The following HPSE variants were observed in gnomAD, a reference collection of about 807,000 sequenced individuals.
HPSE encodes the protein endo-glucoronidase.
HPSE carries 48 observed loss-of-function variants against 65.1 expected under a neutral mutation model. That is an observed-to-expected ratio of 0.74 (90% CI 0.58 to 0.94). HPSE has a LOEUF of 0.94. Ranked by LOEUF, HPSE falls within the 40% of genes least tolerant of loss-of-function variation. The pLI is 0.00. For missense variants in HPSE, 644 were observed against 637.5 expected, an observed-to-expected ratio of 1.01 and a Z score of -0.11; for synonymous variants, 243 against 260.0, an observed-to-expected ratio of 0.93 and a Z score of 0.63.
At chr4:83,296,326 T>C (rs1276177759) in intron 11 of HPSE, among the ~76,000 whole-genome samples, 3 of 152,204 alleles carry the variant, frequency 2.0e-5, no homozygotes, top group Non-Finnish European at 4.4e-5. Context: ...TATCTCTTTT[T>C]CTCAAATATG....
At chr4:83,323,215 A>T (rs1736994852) in intron 1 of HPSE, among the ~76,000 whole-genome samples, 1 of 152,132 alleles carries the variant, frequency 6.6e-6, no homozygotes, top group Non-Finnish European at 1.5e-5. Flanking sequence ...TTTGCAGGGC[A>T]CTGAAAATAC....
At chr4:83,321,179 C>T (rs1736876579) in intron 2 of HPSE, among the ~76,000 whole-genome samples, 1 of 152,126 alleles carries the variant, frequency 6.6e-6, no homozygotes, top group African/African-American at 2.4e-5. Context: ...GCCTGGGCAA[C>T]AGAGTGGGAC....
Position 83,294,217 on chromosome 4 carries a change from CA to C in HPSE, c.*1126del, listed in dbSNP as rs1735645425. ...CCAAGTAGCTGGGACTACAGGACCACACCCAGCTAATTTTTGTATTTTTTAG... is the reference window on the plus strand; with the variant it reads ...CCAAGTAGCTGGGACTACAGGACCACCCCAGCTAATTTTTGTATTTTTTAG... On this transcript the variant is annotated 3_prime_UTR_variant, in exon 12 of 12. Transcript: ENST00000311412. The C allele has an allele frequency of 6.6e-6, 1 of 152,192 alleles. No individual in the cohort carries two copies. The highest frequency in any genetic ancestry group is 2.4e-5 in the African/African-American group (1 of 41,428). The allele number at this position is 152,192 out of a possible 1,614,324, so 9.4% of individuals were successfully genotyped here.
At chr4:83,304,539 C>T (rs990739627) in intron 9 of HPSE, among the ~76,000 whole-genome samples, 10 of 144,078 alleles carry the variant, frequency 6.9e-5, no homozygotes, top group African/African-American at 2.2e-4. Context: ...TAAAAAACTG[C>T]GGATCGGTGG....
intron 5 of HPSE, 103 bp downstream of exon 5, chr4:83,310,619 C>A: frequency 9.3e-7 from 1 of 1,078,656 alleles, no homozygotes. Context: ...TTGCAGTGAG[C>A]CATGATTGTA....
chr4:83,305,580 C>T (rs1478383851), intron 9 of HPSE, among the ~76,000 whole-genome samples: 1 of 152,176 alleles, frequency 6.6e-6, no homozygotes, highest in African/African-American at 2.4e-5. Context: ...AAATCAAGGT[C>T]ATGCTTCTCA....
chr4:83,312,404 G>A (rs963467323), intron 4 of HPSE, among the ~76,000 whole-genome samples: 7 of 152,150 alleles, frequency 4.6e-5, no homozygotes, highest in Admixed American at 1.3e-4. Flanking sequence ...TTGGCCGGGC[G>A]CAGTGGCTCA....
At chr4:83,328,916 G>A (rs553626331) in intron 1 of HPSE, among the ~76,000 whole-genome samples, 1 of 152,294 alleles carries the variant, frequency 6.6e-6, no homozygotes, top group Admixed American at 6.5e-5. Flanking sequence ...ATCAGAGAAA[G>A]GAGGAAAGCT....
chr4:83,318,728 A>T (rs956315792), intron 3 of HPSE, among the ~76,000 whole-genome samples: 2 of 149,556 alleles, frequency 1.3e-5, no homozygotes, highest in Non-Finnish European at 3.0e-5. Context: ...AAAAAAAAAA[A>T]GGGGGTTCCT....
At chr4:83,332,344 G>A (rs986785145) in intron 1 of HPSE, among the ~76,000 whole-genome samples, 2 of 152,202 alleles carry the variant, frequency 1.3e-5, no homozygotes, top group Non-Finnish European at 2.9e-5. Context: ...ATGAGGAGAG[G>A]GGGTTCCTCC....
Position 83,303,252 on chromosome 4 carries a change from A to G in HPSE, c.1207-984T>C, listed in dbSNP as rs562183275. The stretch of plus-strand genomic sequence containing the variant: ...TGCTAAATGATATCATAGGGAATAA[A>G]TTTAGCAAACTCTATAATGTAGGAA... On this transcript the variant is annotated intron_variant, in intron 9 of 11. Transcript: ENST00000311412. Among the ~76,000 whole-genome samples the G allele has an allele frequency of 2.6e-5, 4 of 152,362 alleles. No individual in the cohort carries two copies. The South Asian group carries it at 8.3e-4, about 32-fold the overall frequency.
At chr4:83,302,300 A>G (rs1735982509) in intron 9 of HPSE, 32 bp from the exon 10 acceptor site, 2 of 1,396,422 alleles carry the variant, frequency 1.4e-6, no homozygotes, top group Non-Finnish European at 2.0e-6. Context: ...AAAGAGACAA[A>G]AATAGATGTT....
rs748511244 is a variant in HPSE, at chr4:83,334,807, C to T, written c.-25G>A. 6.7e-7 allele frequency: 1 copy of T among 1,486,864 alleles called. No individual in the cohort carries two copies. 92.1% of individuals were successfully genotyped at this position (1,486,864 alleles called of 1,614,324 possible). A position where few individuals can be genotyped will look rare whatever the true frequency, so the allele number is the denominator to read the frequency against. ...TCTTGGGCTCACCTGGCTGCTCCCC[C>T]CGCCAGCTGCCGCGCAGCGGAGAGT... On this transcript the variant is annotated 5_prime_UTR_variant, in exon 1 of 12. Coordinates refer to ENST00000311412, the MANE Select transcript of HPSE (RefSeq NM_001098540.3).
intron 10 of HPSE, among the ~76,000 whole-genome samples, chr4:83,301,816 G>A (rs1282250516): frequency 2.6e-5 from 4 of 152,112 alleles, no homozygotes; most frequent in East Asian, 3.9e-4. Context: ...CAGAAACTGC[G>A]GTCACAACTT....
chr4:83,301,303 A>G (rs1198034567), intron 10 of HPSE, among the ~76,000 whole-genome samples, 197 bp from the exon 11 acceptor site: 1 of 152,106 alleles, frequency 6.6e-6, no homozygotes, highest in African/African-American at 2.4e-5. Context: ...GTGTGCTCCT[A>G]TTTTGAAAAC....
chr4:83,311,035 G>A (rs188262449), intron 4 of HPSE, 145 bp from the exon 5 acceptor site: 10 of 680,666 alleles, frequency 1.5e-5, no homozygotes, highest in Non-Finnish European at 2.2e-5. Context: ...CAGGTCTGGC[G>A]CTATGGCTCA....
rs937143414 is a variant in HPSE, at chr4:83,309,229, G to A, written c.984+173C>T. Among the ~76,000 whole-genome samples the A allele has an allele frequency of 2.2e-4, 33 of 152,262 alleles. 1 individual carries two copies. Among genetic ancestry groups the A allele is most frequent in the Middle Eastern group, 6.8e-3 (2 of 294 alleles). On this transcript the variant is annotated intron_variant, in intron 7 of 11. Coordinates refer to ENST00000311412, the MANE Select transcript of HPSE (RefSeq NM_001098540.3). ...GGAAATATTTCAAATTTCTAATCAC[G>A]TACATGGGGTAAGACCCAATGCTAA...
chr4:83,315,914 G>A (rs1736613241), intron 3 of HPSE, among the ~76,000 whole-genome samples: 2 of 152,082 alleles, frequency 1.3e-5, no homozygotes, highest in South Asian at 4.1e-4. Flanking sequence ...AATGCACTTG[G>A]AATTTACATA....
At position 83,295,902 on chromosome 4, in the gene HPSE, T is replaced by C. The variant is rs60557327; in HGVS notation, c.1473-399A>G. On this transcript the variant is annotated intron_variant, in intron 11 of 11. Transcript: ENST00000311412. ...CTTTTTTATGTAAAGAAAATAGATATATAGAATTGAATGCAGTTTTTATGA... is the reference window on the plus strand; with the variant it reads ...CTTTTTTATGTAAAGAAAATAGATACATAGAATTGAATGCAGTTTTTATGA... 6.9e-3 allele frequency among the ~76,000 whole-genome samples: 1,055 copies of C among 152,342 alleles called. 12 individuals carry two copies. The highest frequency in any genetic ancestry group is 0.024 in the African/African-American group (993 of 41,580).
Sources: allele counts gnomAD v4.1 joint callset (sites outside exome capture counted in the v4.1 genomes callset), GRCh38; gene constraint gnomAD v4.1.1; transcripts MANE v1.5; gene names NCBI Gene and HGNC (gene_info 2026-07-23, HGNC 2026-07-21).